The following ZCCHC4 variants were observed in gnomAD, a reference collection of about 807,000 sequenced individuals.
The protein encoded by ZCCHC4 is rRNA N(6)-adenosine-methyltransferase ZCCHC4.
A neutral mutation model predicts 67.7 loss-of-function variants in ZCCHC4; 54 were observed. The observed-to-expected ratio is 0.80, with a 90% CI of 0.64 to 1.00. The LOEUF (loss-of-function observed/expected upper bound fraction) is 1.00, where lower values mean the gene tolerates loss of function less well. Ranked by LOEUF, ZCCHC4 falls within the 50% of genes least tolerant of loss-of-function variation. The pLI is 0.00. For missense variants in ZCCHC4, 609 were observed against 617.0 expected (o/e 0.99, Z 0.14); for synonymous variants, 198 against 213.5 (o/e 0.93, Z 0.63).
chr4:25,314,097 G>T lies in ZCCHC4; in HGVS notation c.179G>T (p.Arg60Met). ...ACCCAAGGGAAAGAAGAAACTCGGA[G>T]GTTTTATGCCTGTTCAGCCTGTAGA... is the stretch of plus-strand genomic sequence containing the variant. ...KVTQGKEETR[R>M]FYACSACRDR... The change falls in exon 2 of 13, where the codon AGG (arginine) becomes ATG (methionine). Residue 60 changes from arginine (R) to methionine (M), a missense_variant. By Grantham distance (91) the Arg-to-Met change is moderately conservative. Transcript: ENST00000302874. 6.2e-7 allele frequency: 1 copy of T among 1,612,058 alleles called. No individual in the cohort carries two copies. The highest frequency in any genetic ancestry group is 1.1e-5 in the South Asian group (1 of 90,826).
In ZCCHC4 at chr4:25,359,167, G is replaced by A. The variant is rs79546647; in HGVS notation, c.1012-2692G>A. ...CTGGGCAGCAGTAGATGGGTCCCCC[G>A]CAAGCATGGAGAAGGTACTGAAGCA... On this transcript the variant is annotated intron_variant, in intron 8 of 12. Coordinates refer to ENST00000302874, the MANE Select transcript of ZCCHC4 (RefSeq NM_024936.3). This position sits in a 1 kb window ranked among gnomAD's most constrained non-coding sequence, Gnocchi z 4.9. Among the ~76,000 whole-genome samples the A allele has an allele frequency of 0.011, 1,674 of 152,294 alleles. 32 individuals carry two copies. Among genetic ancestry groups the A allele is most frequent in the African/African-American group, 0.039 (1,603 of 41,548 alleles).
At chr4:25,335,983 A>G (rs1283639027) in intron 5 of ZCCHC4, among the ~76,000 whole-genome samples, 4 of 152,198 alleles carry the variant, frequency 2.6e-5, no homozygotes, top group Admixed American at 2.6e-4. Context: ...AAATGATGAT[A>G]TAGACTTCTT....
At chr4:25,360,253 T>G (rs1560416267) in intron 8 of ZCCHC4, among the ~76,000 whole-genome samples, 1 of 152,248 alleles carries the variant, frequency 6.6e-6, no homozygotes, top group South Asian at 2.1e-4. Context: ...TTGCCTAGAA[T>G]TAAGATGGTG....
intron 3 of ZCCHC4, among the ~76,000 whole-genome samples, chr4:25,332,623 C>G (rs1348597670): frequency 6.6e-6 from 1 of 152,054 alleles, no homozygotes; most frequent in African/African-American, 2.4e-5. Context: ...TCAGTGTAGT[C>G]TTTTTTAAGG....
chr4:25,361,157 G>A (rs1367365844), intron 8 of ZCCHC4, among the ~76,000 whole-genome samples: 1 of 152,224 alleles, frequency 6.6e-6, no homozygotes, highest in Non-Finnish European at 1.5e-5. Flanking sequence ...GTTGTTGCCT[G>A]TCCTAATGCC....
intron 8 of ZCCHC4, 61 bp from the exon 9 acceptor site, chr4:25,361,798 G>C: frequency 6.7e-7 from 1 of 1,487,712 alleles, no homozygotes. Flanking sequence ...ATTGGTTAAA[G>C]AATCTTAATG....
At chr4:25,361,684 C>T in intron 8 of ZCCHC4, 175 bp from the exon 9 acceptor site, 2 of 604,902 alleles carry the variant, frequency 3.3e-6, no homozygotes, top group Non-Finnish European at 5.6e-6. Context: ...TCCAGCTACC[C>T]ACCACTGGTC....
At chr4:25,319,029 A>G (rs1231019849) in intron 3 of ZCCHC4, among the ~76,000 whole-genome samples, 2 of 152,252 alleles carry the variant, frequency 1.3e-5, no homozygotes, top group Admixed American at 6.5e-5. Flanking sequence ...GTTGAGATAT[A>G]GAAATAAAGA....
chr4:25,332,420 T>G (rs910014267), intron 3 of ZCCHC4, among the ~76,000 whole-genome samples: 1 of 152,222 alleles, frequency 6.6e-6, no homozygotes. Flanking sequence ...AATCATATTA[T>G]TTATTTTTCT....
chr4:25,364,627 A>G, intron 11 of ZCCHC4, 122 bp downstream of exon 11: 1 of 908,216 alleles, frequency 1.1e-6, no homozygotes, highest in Non-Finnish European at 1.7e-6. Context: ...CTTGTAATTT[A>G]TTTGCTTTTT....
At chr4:25,352,695 G>A (rs775293197) in intron 8 of ZCCHC4, among the ~76,000 whole-genome samples, 12 of 152,308 alleles carry the variant, frequency 7.9e-5, no homozygotes, top group Admixed American at 3.3e-4. Flanking sequence ...GATTACAGGC[G>A]TGAGCCATTG....
At chr4:25,360,478 C>T (rs1400046672) in intron 8 of ZCCHC4, among the ~76,000 whole-genome samples, 1 of 152,214 alleles carries the variant, frequency 6.6e-6, no homozygotes, top group Non-Finnish European at 1.5e-5. Context: ...AGAAGCAGTT[C>T]ATAACTCATA....
rs144444242 is a variant in ZCCHC4, at chr4:25,339,650, C to T, written c.686+5662C>T. On this transcript the variant is annotated intron_variant, in intron 5 of 12. Coordinates refer to ENST00000302874, the MANE Select transcript of ZCCHC4 (RefSeq NM_024936.3). ...GAAAGTTCTTAATATATTCTGGATACTAGACCCTTATCAGATATATGATTT... is the reference window on the plus strand; with the variant it reads ...GAAAGTTCTTAATATATTCTGGATATTAGACCCTTATCAGATATATGATTT... 4.8e-3 allele frequency among the ~76,000 whole-genome samples: 737 copies of T among 152,220 alleles called. 2 individuals carry two copies. Among genetic ancestry groups the T allele is most frequent in the Non-Finnish European group, 6.7e-3 (453 of 67,988 alleles).
chr4:25,358,684 C>T (rs1720605397), intron 8 of ZCCHC4, among the ~76,000 whole-genome samples: 1 of 152,242 alleles, frequency 6.6e-6, no homozygotes. Context: ...TTTCCAGCCG[C>T]AGCATGACTC....
At chr4:25,337,217 C>T (rs556516779) in intron 5 of ZCCHC4, among the ~76,000 whole-genome samples, 1 of 152,292 alleles carries the variant, frequency 6.6e-6, no homozygotes, top group East Asian at 1.9e-4. Flanking sequence ...AATCCAATCA[C>T]GTAAAAGAGA....
At chr4:25,319,878 T>C (rs919380690) in intron 3 of ZCCHC4, among the ~76,000 whole-genome samples, 4 of 152,150 alleles carry the variant, frequency 2.6e-5, no homozygotes, top group African/African-American at 9.6e-5. Flanking sequence ...AAACTGCATT[T>C]AAACTTTATA....
intron 10 of ZCCHC4, 119 bp downstream of exon 10, chr4:25,362,420 CA>C: frequency 1.8e-6 from 1 of 564,530 alleles, no homozygotes. Flanking sequence ...TATGTATTAT[CA>C]TTTATTAATT....
intron 10 of ZCCHC4, 81 bp downstream of exon 10, chr4:25,362,382 G>A (rs1720778825): frequency 3.5e-6 from 3 of 866,714 alleles, no homozygotes; most frequent in Non-Finnish European, 5.0e-6. Context: ...CTTTTTCAAT[G>A]TTATTTTGTT....
Position 25,330,844 on chromosome 4 carries a change from G to T in ZCCHC4, c.330-2339G>T, listed in dbSNP as rs142338184. Among the ~76,000 whole-genome samples, 676 of 152,244 alleles carry T rather than the reference G, an allele frequency of 4.4e-3. 2 individuals carry two copies. The highest frequency in any genetic ancestry group is 0.015 in the African/African-American group (642 of 41,546). ...CCAGTGATAATTCCACCTGCTTCTG[G>T]CCAGTGGTTCTTTCCCTTGCCTTGG... On this transcript the variant is annotated intron_variant, in intron 3 of 12. Coordinates refer to ENST00000302874, the MANE Select transcript of ZCCHC4 (RefSeq NM_024936.3).
Sources: gnomAD v4.1 joint callset for allele counts (sites outside exome capture counted in the v4.1 genomes callset) on GRCh38, gnomAD v4.1.1 for gene constraint, Gnocchi (gnomAD v3.1) non-coding constraint, MANE v1.5 for transcripts, NCBI Gene and HGNC (gene_info 2026-07-23, HGNC 2026-07-21) for gene names.